HACD2: variants seen among roughly 807,000 people sequenced by gnomAD.
The protein encoded by HACD2 is 3-hydroxyacyl-CoA dehydratase 2.
HACD2 carries 15 observed loss-of-function variants against 31.0 expected under a neutral mutation model. The observed-to-expected ratio is 0.48, with a 90% confidence interval of 0.32 to 0.75. The LOEUF is 0.75. Among genes scored for constraint, HACD2 ranks in the 30% least tolerant of loss-of-function variants. The pLI, the probability that HACD2 is intolerant of heterozygous loss-of-function variation, is 0.03. For synonymous variants in HACD2, 115 were observed against 122.2 expected, an observed-to-expected ratio of 0.94 and a Z score of 0.39; for missense variants, 283 against 313.0, an observed-to-expected ratio of 0.90 and a Z score of 0.72.
intron 2 of HACD2, among the ~76,000 whole-genome samples, chr3:123,578,762 A>AT (rs1182033644): frequency 6.0e-4 from 92 of 152,406 alleles, no homozygotes; most frequent in African/African-American, 2.0e-3. Flanking sequence ...ATAAAGAGAT[A>AT]TAAATGAGTA....
At chr3:123,552,161 A>C (rs1051200379) in intron 3 of HACD2, among the ~76,000 whole-genome samples, 1 of 152,170 alleles carries the variant, frequency 6.6e-6, no homozygotes, top group African/African-American at 2.4e-5. Flanking sequence ...TACCCTAATT[A>C]TAAAAACACT....
intron 4 of HACD2, among the ~76,000 whole-genome samples, chr3:123,511,658 T>C (rs2056064960): frequency 6.6e-6 from 1 of 152,142 alleles, no homozygotes; most frequent in African/African-American, 2.4e-5. Context: ...GTCCATGAAA[T>C]GACTTCTAGT....
At chr3:123,514,903 G>A (rs2056113977) in intron 4 of HACD2, among the ~76,000 whole-genome samples, 1 of 152,210 alleles carries the variant, frequency 6.6e-6, no homozygotes, top group Admixed American at 6.5e-5. Context: ...ATTTTAGTAT[G>A]TATAAAGAAC....
chr3:123,556,718 TAAAG>T (rs1339130144), intron 3 of HACD2, among the ~76,000 whole-genome samples: 1 of 152,132 alleles, frequency 6.6e-6, no homozygotes, highest in East Asian at 1.9e-4. Context: ...ACCTGTCTGA[TAAAG>T]AATTTGTATC....
intron 4 of HACD2, among the ~76,000 whole-genome samples, chr3:123,504,783 C>G (rs573190880): frequency 1.3e-5 from 2 of 152,104 alleles, no homozygotes; most frequent in African/African-American, 4.8e-5. Context: ...TCATTTCTTC[C>G]AATCAATAGG....
intron 4 of HACD2, among the ~76,000 whole-genome samples, chr3:123,507,761 T>C (rs192760488): frequency 6.1e-4 from 93 of 152,294 alleles, no homozygotes; most frequent in Non-Finnish European, 9.8e-4. Context: ...AAAAAGGGCA[T>C]GAGGGATCAT....
intron 4 of HACD2, among the ~76,000 whole-genome samples, chr3:123,525,460 T>C (rs1488355777): frequency 6.6e-6 from 1 of 152,208 alleles, no homozygotes; most frequent in Non-Finnish European, 1.5e-5. Context: ...GTGACTAGCA[T>C]TCCAAAGGGT....
chr3:123,568,369 C>G (rs2056817242), intron 2 of HACD2, among the ~76,000 whole-genome samples: 3 of 152,272 alleles, frequency 2.0e-5, no homozygotes, highest in Non-Finnish European at 2.9e-5. Context: ...GGAGCCACAG[C>G]AGCGGCTCAA....
intron 3 of HACD2, among the ~76,000 whole-genome samples, chr3:123,544,058 G>A (rs2056525558): frequency 6.6e-6 from 1 of 152,170 alleles, no homozygotes; most frequent in Non-Finnish European, 1.5e-5. Context: ...TCACACAGAT[G>A]TTAAAAGTAC....
intron 5 of HACD2, among the ~76,000 whole-genome samples, chr3:123,502,152 C>T (rs1436248865): frequency 1.3e-5 from 2 of 152,106 alleles, no homozygotes; most frequent in Non-Finnish European, 1.5e-5. Context: ...AACTTCTTGG[C>T]AAAATTGAGA....
intron 4 of HACD2, among the ~76,000 whole-genome samples, chr3:123,510,818 T>A (rs2107689296): frequency 6.6e-6 from 1 of 152,322 alleles, no homozygotes; most frequent in East Asian, 1.9e-4. Flanking sequence ...ATTTTATGTT[T>A]AACTTTTTGA....
intron 4 of HACD2, among the ~76,000 whole-genome samples, chr3:123,517,663 A>C (rs1357580503): frequency 6.6e-6 from 1 of 152,158 alleles, no homozygotes; most frequent in Non-Finnish European, 1.5e-5. Flanking sequence ...AACACTCCAG[A>C]GGGGAGAAGA....
At chr3:123,516,514 G>A (rs532685892) in intron 4 of HACD2, among the ~76,000 whole-genome samples, 1 of 152,162 alleles carries the variant, frequency 6.6e-6, no homozygotes, top group Middle Eastern at 3.4e-3. Flanking sequence ...GATTACAGGC[G>A]TGTGCCACCA....
chr3:123,506,309 G>A (rs1231912340), intron 4 of HACD2, among the ~76,000 whole-genome samples: 2 of 152,202 alleles, frequency 1.3e-5, no homozygotes, highest in African/African-American at 4.8e-5. Context: ...CAAGGGCCCA[G>A]GTCTCATCAT....
At chr3:123,578,139 G>A (rs1225221676) in intron 2 of HACD2, among the ~76,000 whole-genome samples, 1 of 152,230 alleles carries the variant, frequency 6.6e-6, no homozygotes, top group Non-Finnish European at 1.5e-5. Context: ...GTGACTTTTT[G>A]TATCTGCCTC....
intron 3 of HACD2, among the ~76,000 whole-genome samples, chr3:123,529,658 T>G (rs992817866): frequency 6.6e-6 from 1 of 152,088 alleles, no homozygotes; most frequent in Non-Finnish European, 1.5e-5. Context: ...GTTTGGGAGG[T>G]TGAGGCTGCA....
At chr3:123,500,378 T>C (rs1160693779) in intron 6 of HACD2, 137 bp downstream of exon 6, 2 of 651,904 alleles carry the variant, frequency 3.1e-6, no homozygotes, top group African/African-American at 3.7e-5. Context: ...ATAGTCAGCA[T>C]TCAATAAAAA....
chr3:123,550,236 C>G (rs7652731), intron 3 of HACD2, among the ~76,000 whole-genome samples: 12,188 of 152,116 alleles, frequency 0.08, 1,137 homozygotes, highest in East Asian at 0.25. Context: ...GCTGTCCCAT[C>G]GAAACTCAAA....
At chr3:123,582,843 TAA>T (rs891009831) in intron 1 of HACD2, among the ~76,000 whole-genome samples, 1 of 143,830 alleles carries the variant, frequency 7.0e-6, no homozygotes, top group African/African-American at 2.5e-5. Flanking sequence ...GGGCTCTTGC[TAA>T]AAAAAAAAAG....
Sources: allele counts gnomAD v4.1 joint callset (sites outside exome capture counted in the v4.1 genomes callset), GRCh38; gene constraint gnomAD v4.1.1; transcripts MANE v1.5; gene names NCBI Gene and HGNC (gene_info 2026-07-23, HGNC 2026-07-21).